The following RSBN1L variants were observed in gnomAD, a reference collection of about 807,000 sequenced individuals.
RSBN1L encodes the protein lysine-specific demethylase RSBN1L.
Under a neutral mutation model 67.7 loss-of-function variants are expected in RSBN1L, and 30 were observed. The observed-to-expected ratio is 0.44, with a 90% CI of 0.33 to 0.60. The LOEUF (loss-of-function observed/expected upper bound fraction) is 0.60, where lower values mean the gene tolerates loss of function less well. RSBN1L is among the 20% of genes least tolerant of loss of function. RSBN1L has a pLI of 0.02. For synonymous variants in RSBN1L, 433 were observed against 387.0 expected, an observed-to-expected ratio of 1.12 and a Z score of -1.39; for missense variants, 992 against 1,031.7, an observed-to-expected ratio of 0.96 and a Z score of 0.53.
intron 1 of RSBN1L, among the ~76,000 whole-genome samples, chr7:77,726,100 T>G (rs1791200276): frequency 6.6e-6 from 1 of 152,204 alleles, no homozygotes; most frequent in Non-Finnish European, 1.5e-5. Context: ...CAGAGTAGTT[T>G]TAGATTTACA....
chr7:77,779,672 G>T lies in RSBN1L; in HGVS notation c.*504G>T, dbSNP rs1021972004. On this transcript the variant is annotated 3_prime_UTR_variant, in exon 8 of 8. Transcript: ENST00000334955. ...GTTCATATTAATAAATATGTTTTCTGTTGAGTCTGTAAAGACAAACTGACA... is the reference window on the plus strand; with the variant it reads ...GTTCATATTAATAAATATGTTTTCTTTTGAGTCTGTAAAGACAAACTGACA... 6.6e-6 allele frequency: 1 copy of T among 151,848 alleles called. No homozygotes were observed. The highest frequency in any genetic ancestry group is 2.4e-5 in the African/African-American group (1 of 41,276). The allele number at this position is 151,848 out of a possible 1,614,324, so 9.4% of individuals were successfully genotyped here.
At chr7:77,748,923 T>C (rs113118497) in intron 2 of RSBN1L, among the ~76,000 whole-genome samples, 12 of 147,374 alleles carry the variant, frequency 8.1e-5, no homozygotes, top group Non-Finnish European at 1.2e-4. Flanking sequence ...GTCTCTCTCT[T>C]TCTCTCTCTC....
At chr7:77,769,903 G>A (rs927050780) in intron 5 of RSBN1L, among the ~76,000 whole-genome samples, 2 of 152,090 alleles carry the variant, frequency 1.3e-5, no homozygotes, top group Non-Finnish European at 2.9e-5. Context: ...AAGTAATCTG[G>A]CAGTAGATCA....
At position 77,781,645 on chromosome 7, in the gene RSBN1L, C is replaced by T. The variant is rs1023936889; in HGVS notation, c.*2477C>T. The T allele has an allele frequency of 6.6e-6, 1 of 152,096 alleles. No homozygotes were observed. Among genetic ancestry groups the T allele is most frequent in the Non-Finnish European group, 1.5e-5 (1 of 68,024 alleles). The allele number at this position is 152,096 out of a possible 1,614,324, so 9.4% of individuals were successfully genotyped here. A position where few individuals can be genotyped will look rare whatever the true frequency, so the allele number is the denominator to read the frequency against. Reference sequence around the variant, plus strand: ...CTTTTAGGTATAGTTTCCTATATAACCTATAGTCAGACTTATCTATAATAT... The same window carrying T: ...CTTTTAGGTATAGTTTCCTATATAATCTATAGTCAGACTTATCTATAATAT... On this transcript the variant is annotated 3_prime_UTR_variant, in exon 8 of 8. Transcript: ENST00000334955.
At chr7:77,726,467 G>A (rs922148122) in intron 1 of RSBN1L, among the ~76,000 whole-genome samples, 1 of 152,134 alleles carries the variant, frequency 6.6e-6, no homozygotes, top group Non-Finnish European at 1.5e-5. Flanking sequence ...GATTAGACTG[G>A]AGTTTAGGGT....
rs1281719585 is a variant in RSBN1L, at chr7:77,781,099, G to A, written c.*1931G>A. ...TGGTTAGGGCGAAGCCATTTAGGAA[G>A]AAGCATTTCACCAGAACAAGTAAAA... On this transcript the variant is annotated 3_prime_UTR_variant, in exon 8 of 8. Transcript: ENST00000334955. The A allele has an allele frequency of 1.3e-5, 2 of 152,222 alleles. No individual in the cohort carries two copies. The highest frequency in any genetic ancestry group is 2.9e-5 in the Non-Finnish European group (2 of 68,038). 9.4% of individuals were successfully genotyped at this position (152,222 alleles called of 1,614,324 possible).
At position 77,749,795 on chromosome 7, in the gene RSBN1L, G is replaced by A. The variant is rs778743924; in HGVS notation, c.1075G>A (p.Ala359Thr). The stretch of plus-strand genomic sequence containing the variant: ...TATAGAGCACCAGCCTAATGGAGGT[G>A]CATCGGTTATCCATGCCTACAGTAA... The part of the protein sequence containing the change: ...IHIEHQPNGG[A>T]SVIHAYSNEL... Residue 359 changes from alanine to threonine, a missense_variant, in exon 3 of 8, where the codon GCA becomes ACA. This residue lies in a region of RSBN1L where 575 missense variants were observed against 483.2 expected (regional missense o/e 1.19). Coordinates refer to ENST00000334955, the MANE Select transcript of RSBN1L (RefSeq NM_198467.3). 6.2e-7 allele frequency: 1 copy of A among 1,614,052 alleles called. No homozygotes were observed. Among genetic ancestry groups the A allele is most frequent in the Non-Finnish European group, 8.5e-7 (1 of 1,180,036 alleles).
intron 1 of RSBN1L, among the ~76,000 whole-genome samples, chr7:77,709,152 TTGTGTGTGTG>T (rs67322019): frequency 0.013 from 1,851 of 142,424 alleles, 30 homozygotes; most frequent in African/African-American, 0.032. Flanking sequence ...GGGATTCTGT[TTGTGTGTGTG>T]TGTGTGTGTG....
rs147130910 is a variant in RSBN1L at position 77,749,573 on chromosome 7, A to T, written c.853A>T (p.Thr285Ser). The T allele has an allele frequency of 6.3e-5, 102 of 1,613,994 alleles. 1 individual carries two copies. In the African/African-American group the frequency reaches 9.1e-4, roughly 14 times the overall value. Residue 285 changes from threonine to serine, a missense_variant, in exon 3 of 8, where the codon ACT becomes TCT. Thr to Ser is a moderately conservative substitution (Grantham distance 58). This residue lies in a region of RSBN1L where 575 missense variants were observed against 483.2 expected (regional missense o/e 1.19). Coordinates refer to ENST00000334955, the MANE Select transcript of RSBN1L (RefSeq NM_198467.3). ...SIQTICSGLLTDVEDQAAKGI... is the reference protein window; with the variant it reads ...SIQTICSGLLSDVEDQAAKGI... Reference sequence around the variant, plus strand: ...TCAGACCATCTGCTCAGGATTGCTAACTGATGTTGAAGATCAAGCAGCCAA... The same window carrying T: ...TCAGACCATCTGCTCAGGATTGCTATCTGATGTTGAAGATCAAGCAGCCAA...
At chr7:77,768,829 G>T in intron 5 of RSBN1L, 26 bp downstream of exon 5, 1 of 1,608,744 alleles carries the variant, frequency 6.2e-7, no homozygotes, top group Non-Finnish European at 8.5e-7. Context: ...ATTTTTATTG[G>T]AGGGGATGAG....
At chr7:77,773,337 T>C in intron 6 of RSBN1L, 23 bp downstream of exon 6, 5 of 1,406,502 alleles carry the variant, frequency 3.6e-6, no homozygotes, top group Non-Finnish European at 4.7e-6. Flanking sequence ...ACCGCTATTT[T>C]AATGAAAGAA....
intron 3 of RSBN1L, chr7:77,759,507 CAT>C (rs1481476504): frequency 6.6e-6 from 1 of 152,058 alleles, no homozygotes; most frequent in African/African-American, 2.4e-5. Context: ...TCATTTATGA[CAT>C]GTTTAGATTG....
chr7:77,776,682 G>A (rs1211871249), intron 6 of RSBN1L, among the ~76,000 whole-genome samples: 1 of 151,994 alleles, frequency 6.6e-6, no homozygotes, highest in Non-Finnish European at 1.5e-5. Flanking sequence ...TTTATCCTTG[G>A]TAATATTCCT....
intron 1 of RSBN1L, among the ~76,000 whole-genome samples, chr7:77,723,918 G>A (rs1378560190): frequency 6.7e-6 from 1 of 149,828 alleles, no homozygotes; most frequent in Non-Finnish European, 1.5e-5. Context: ...TGGGACACAA[G>A]AGTGAAACTC....
chr7:77,718,373 C>T (rs1217261844), intron 1 of RSBN1L, among the ~76,000 whole-genome samples: 2 of 152,178 alleles, frequency 1.3e-5, no homozygotes, highest in Non-Finnish European at 2.9e-5. Flanking sequence ...GCAATCACGG[C>T]TTCAACTTCT....
chr7:77,701,700 G>A (rs1790821227), intron 1 of RSBN1L, among the ~76,000 whole-genome samples: 1 of 147,854 alleles, frequency 6.8e-6, no homozygotes, highest in South Asian at 2.1e-4. Flanking sequence ...TGCCTAGGCT[G>A]GAGTGCAGTG....
intron 1 of RSBN1L, among the ~76,000 whole-genome samples, chr7:77,709,637 A>C (rs992859342): frequency 6.6e-6 from 1 of 152,122 alleles, no homozygotes; most frequent in East Asian, 1.9e-4. Flanking sequence ...AATCCTTCTT[A>C]GTTCCTAGGT....
At chr7:77,776,420 C>A (rs987997496) in intron 6 of RSBN1L, among the ~76,000 whole-genome samples, 2 of 152,200 alleles carry the variant, frequency 1.3e-5, no homozygotes, top group Admixed American at 1.3e-4. Context: ...ATCACCTCCC[C>A]AATTCTCCAT....
chr7:77,765,416 TG>T, intron 3 of RSBN1L, 78 bp from the exon 4 acceptor site: 1 of 1,100,766 alleles, frequency 9.1e-7, no homozygotes, highest in East Asian at 2.6e-5. Context: ...CATTATCTTA[TG>T]TGTAACTTTT....
Sources: allele counts gnomAD v4.1 joint callset (sites outside exome capture counted in the v4.1 genomes callset), GRCh38; gene constraint gnomAD v4.1.1; regional missense constraint gnomAD v4.1.1; transcripts MANE v1.5; gene names NCBI Gene and HGNC (gene_info 2026-07-23, HGNC 2026-07-21).